PRKAG3: variants seen among roughly 807,000 people sequenced by gnomAD.
The protein encoded by PRKAG3 is 5'-AMP-activated protein kinase subunit gamma-3.
Under a neutral mutation model 56.5 loss-of-function variants are expected in PRKAG3, and 39 were observed. The observed-to-expected ratio is 0.69, with a 90% CI of 0.53 to 0.90. The LOEUF (loss-of-function observed/expected upper bound fraction) is 0.90. Ranked by LOEUF, PRKAG3 falls within the 40% of genes least tolerant of loss-of-function variation. The pLI is 0.00. For missense variants in PRKAG3, 628 were observed against 627.5 expected, an observed-to-expected ratio of 1.00 and a Z score of -0.01; for synonymous variants, 243 against 250.1, an observed-to-expected ratio of 0.97 and a Z score of 0.27.
intron 5 of PRKAG3, 65 bp downstream of exon 5, chr2:218,828,454 A>C: frequency 6.8e-7 from 1 of 1,472,006 alleles, no homozygotes; most frequent in Non-Finnish European, 9.3e-7. Flanking sequence ...TCAGCCCCAG[A>C]ACAACCGTAC....
intron 12 of PRKAG3, 104 bp downstream of exon 12, chr2:218,824,118 A>T (rs1329136572): frequency 2.2e-5 from 35 of 1,574,986 alleles, no homozygotes; most frequent in Non-Finnish European, 5.2e-6. Flanking sequence ...TGGTCATGAA[A>T]TGGAAGGATA....
chr2:218,829,104 C>T (rs1943980139), intron 4 of PRKAG3, among the ~76,000 whole-genome samples: 1 of 152,226 alleles, frequency 6.6e-6, no homozygotes, highest in South Asian at 2.1e-4. Flanking sequence ...TATAAAGCTA[C>T]TGAAATAGAC....
chr2:218,830,860 A>G (rs759265113), exon 3 of PRKAG3: 2 of 1,613,848 alleles, frequency 1.2e-6, no homozygotes, highest in Non-Finnish European at 1.7e-6. Context: ...ACAGCTGGTG[A>G]TGGCCATGAG....
Position 218,827,473 on chromosome 2 carries a change from C to G in PRKAG3, c.876-100G>C. The G allele has an allele frequency of 6.2e-7, 1 of 1,603,840 alleles. No homozygotes were observed. The highest frequency in any genetic ancestry group is 8.5e-7 in the Non-Finnish European group (1 of 1,171,116). ...GGGCAGGGCACCAAGGCTCCCTTGT[C>G]TGTGTGCCGCCTAGGATGAAGAGGT... On this transcript the variant is annotated intron_variant, in intron 8 of 12. Transcript: ENST00000529249. The surrounding 1 kb of genome is among the most constrained non-coding windows in gnomAD (Gnocchi z 5.3).
intron 10 of PRKAG3, among the ~76,000 whole-genome samples, chr2:218,826,173 A>G (rs1165657244): frequency 6.6e-6 from 1 of 152,260 alleles, no homozygotes; most frequent in Non-Finnish European, 1.5e-5. Flanking sequence ...TTATGGCAAT[A>G]TAGTAACAGT....
chr2:218,823,607 G>T, exon 13 of PRKAG3: 1 of 1,499,810 alleles, frequency 6.7e-7, no homozygotes, highest in Non-Finnish European at 9.1e-7. Context: ...AAATCAGGAA[G>T]ACTAAGAGGC....
In PRKAG3 at chr2:218,830,970, A is replaced by G. The variant is rs1944011683; in HGVS notation, c.74-69T>C. ...ATCAAAATCAATTCAAATGTTATTC[A>G]TAATCTTTAGGATTTGCAAGCTTCC... On this transcript the variant is annotated intron_variant, in intron 2 of 12. Transcript: ENST00000529249. The G allele has an allele frequency of 1.9e-6, 3 of 1,550,052 alleles. No individual in the cohort carries two copies. The South Asian group carries it at 3.4e-5, about 17-fold the overall frequency.
At chr2:218,823,069 G>A, downstream of PRKAG3, 2 of 959,956 alleles carry the variant, frequency 2.1e-6, no homozygotes, top group Non-Finnish European at 2.5e-6. Flanking sequence ...TGGGAGGGCT[G>A]AAGAAGCCTG....
intron 5 of PRKAG3, 151 bp downstream of exon 5, chr2:218,828,368 G>T (rs1943968539): frequency 8.3e-6 from 7 of 844,294 alleles, no homozygotes; most frequent in Admixed American, 2.9e-5. Context: ...TGGCCATGCA[G>T]ACTCCGGATG....
intron 4 of PRKAG3, among the ~76,000 whole-genome samples, chr2:218,829,570 C>T (rs576398457): frequency 2.8e-4 from 42 of 152,076 alleles, no homozygotes; most frequent in African/African-American, 9.9e-4. Context: ...TTGTGATTTG[C>T]CCACCTCGAC....
At chr2:218,822,979 G>C (rs1163057602), downstream of PRKAG3, 1 of 985,534 alleles carries the variant, frequency 1.0e-6, no homozygotes, top group African/African-American at 1.7e-5. Flanking sequence ...TGACTCAGCT[G>C]TTCTCCTTAA....
At chr2:218,822,809 G>A (rs1392005052), downstream of PRKAG3, 2 of 881,766 alleles carry the variant, frequency 2.3e-6, no homozygotes, top group African/African-American at 3.7e-5. Flanking sequence ...AGGAGCTGAA[G>A]GCTGAAGCCA....
At chr2:218,825,860 G>A (rs1364880018) in intron 10 of PRKAG3, among the ~76,000 whole-genome samples, 1 of 150,294 alleles carries the variant, frequency 6.7e-6, no homozygotes, top group African/African-American at 2.4e-5. Flanking sequence ...AGGTTCAACC[G>A]ATTCTCCTAC....
In PRKAG3 at chr2:218,829,980, C is replaced by G. The variant is rs776263291; in HGVS notation, c.631G>C (p.Glu211Gln). 108 of 1,613,024 alleles carry G rather than the reference C, an allele frequency of 6.7e-5. No homozygotes were observed. Among genetic ancestry groups the G allele is most frequent in the Non-Finnish European group, 9.0e-5 (106 of 1,180,040 alleles). The change falls in exon 4 of 13, where the codon GAG becomes CAG. Residue 211 changes from glutamate (E) to glutamine (Q), a missense_variant and splice_region_variant. Coordinates refer to ENST00000529249, the Ensembl canonical transcript of PRKAG3. ...GTTGGGCAGAGCCGTGGCCTCACCTCCAGCATGGTGTCGAAGATGACTAGC... is the reference window on the plus strand; with the variant it reads ...GTTGGGCAGAGCCGTGGCCTCACCTGCAGCATGGTGTCGAAGATGACTAGC...
At chr2:218,829,449 T>C (rs1203856547) in intron 4 of PRKAG3, among the ~76,000 whole-genome samples, 1 of 151,728 alleles carries the variant, frequency 6.6e-6, no homozygotes, top group Admixed American at 6.6e-5. Flanking sequence ...GCCTCCAAAG[T>C]AGCTGGGATT....
Position 218,827,679 on chromosome 2 carries a change from C to G in PRKAG3, c.821-50G>C. 1 of 1,598,470 alleles carries G rather than the reference C, an allele frequency of 6.3e-7. No individual in the cohort carries two copies. Among genetic ancestry groups the G allele is most frequent in the East Asian group, 2.2e-5 (1 of 44,788 alleles). On this transcript the variant is annotated intron_variant, in intron 7 of 12. Transcript: ENST00000529249. This position sits in a 1 kb window ranked among gnomAD's most constrained non-coding sequence, Gnocchi z 5.3. ...CAGGGGAGCCGGTCACCTGCCTCAC[C>G]TTGCAGTCCCAGGCAGCTTCCCTTC...
At chr2:218,823,440 G>A (rs2105984903) in exon 13 of PRKAG3, 1 of 380,490 alleles carries the variant, frequency 2.6e-6, no homozygotes, top group South Asian at 2.4e-5. Context: ...TTTTAGCCGG[G>A]GCTTTGTCCC....
intron 12 of PRKAG3, 130 bp from the exon 13 acceptor site, chr2:218,824,008 G>A: frequency 8.2e-7 from 1 of 1,213,514 alleles, no homozygotes; most frequent in Non-Finnish European, 1.2e-6. Context: ...AAACCAGTTA[G>A]GGATGGTGTG....
chr2:218,824,191 G>T, intron 12 of PRKAG3, 31 bp downstream of exon 12: 1 of 1,614,052 alleles, frequency 6.2e-7, no homozygotes, highest in African/African-American at 1.3e-5. Flanking sequence ...GGCTATATGT[G>T]TTGGGGGCAT....
Sources: allele counts gnomAD v4.1 joint callset (sites outside exome capture counted in the v4.1 genomes callset), GRCh38; gene constraint gnomAD v4.1.1; non-coding constraint Gnocchi (gnomAD v3.1); transcripts MANE v1.5; gene names NCBI Gene and HGNC (gene_info 2026-07-23, HGNC 2026-07-21).